The following EYA4 variants were observed in gnomAD, a reference collection of about 807,000 sequenced individuals.
EYA4 encodes protein phosphatase EYA4.
In EYA4, 31 loss-of-function variants were observed where a neutral mutation model predicts 87.9. That is an observed-to-expected ratio of 0.35 (90% CI 0.27 to 0.48). The LOEUF (loss-of-function observed/expected upper bound fraction) is 0.48. Ranked by LOEUF, EYA4 falls within the 20% of genes least tolerant of loss-of-function variation. The pLI, the probability that EYA4 is intolerant of heterozygous loss-of-function variation, is 0.99. For missense variants in EYA4, 678 were observed against 761.4 expected, an observed-to-expected ratio of 0.89 and a Z score of 1.29; for synonymous variants, 263 against 270.6, an observed-to-expected ratio of 0.97 and a Z score of 0.28.
At chr6:133,486,654 C>T (rs1796711102) in intron 13 of EYA4, among the ~76,000 whole-genome samples, 1 of 152,068 alleles carries the variant, frequency 6.6e-6, no homozygotes, top group African/African-American at 2.4e-5. Context: ...GAGGAAGTGA[C>T]ATTGGTACTG....
intron 2 of EYA4, among the ~76,000 whole-genome samples, chr6:133,378,038 T>G (rs940291550): frequency 9.2e-5 from 14 of 152,066 alleles, no homozygotes; most frequent in African/African-American, 3.4e-4. Context: ...GTTCACAGCA[T>G]AGATTACAGT....
chr6:133,282,965 T>C (rs1414539281), intron 2 of EYA4, among the ~76,000 whole-genome samples: 1 of 152,136 alleles, frequency 6.6e-6, no homozygotes, highest in Non-Finnish European at 1.5e-5. Context: ...AATTTACATA[T>C]TGTTATCTAA....
intron 2 of EYA4, among the ~76,000 whole-genome samples, chr6:133,276,062 T>C (rs1777138422): frequency 6.6e-6 from 1 of 152,178 alleles, no homozygotes; most frequent in African/African-American, 2.4e-5. Context: ...TGGAGGTTAG[T>C]CATCATGACT....
At chr6:133,329,500 A>G (rs957683382) in intron 2 of EYA4, among the ~76,000 whole-genome samples, 1 of 152,130 alleles carries the variant, frequency 6.6e-6, no homozygotes, top group Admixed American at 6.5e-5. Context: ...CTTTGATACC[A>G]TGAGTGTTTA....
intron 2 of EYA4, among the ~76,000 whole-genome samples, chr6:133,332,370 C>T (rs957098958): frequency 2.0e-5 from 3 of 152,192 alleles, no homozygotes; most frequent in African/African-American, 7.2e-5. Flanking sequence ...AAATCTTTAA[C>T]AAGGCTTCTC....
At chr6:133,420,125 G>A (rs368425145) in intron 3 of EYA4, among the ~76,000 whole-genome samples, 6 of 151,874 alleles carry the variant, frequency 4.0e-5, no homozygotes. Context: ...CTTGGCTTTA[G>A]TACAACACCA....
At chr6:133,257,563 AT>A (rs1263000614) in intron 1 of EYA4, among the ~76,000 whole-genome samples, 1 of 152,202 alleles carries the variant, frequency 6.6e-6, no homozygotes, top group Admixed American at 6.5e-5. Flanking sequence ...CTACCACAGT[AT>A]TTTGCCTATT....
At chr6:133,283,985 A>G (rs564720684) in intron 2 of EYA4, among the ~76,000 whole-genome samples, 1 of 152,278 alleles carries the variant, frequency 6.6e-6, no homozygotes, top group South Asian at 2.1e-4. Flanking sequence ...AATGGCCTTC[A>G]GTTCCATCCA....
chr6:133,393,576 G>C (rs910115867), intron 3 of EYA4, among the ~76,000 whole-genome samples: 1 of 152,178 alleles, frequency 6.6e-6, no homozygotes, highest in African/African-American at 2.4e-5. Context: ...GCATGTTCAG[G>C]TGACAGAAGA....
chr6:133,368,167 T>C (rs943381930), intron 2 of EYA4, among the ~76,000 whole-genome samples: 32 of 152,230 alleles, frequency 2.1e-4, no homozygotes, highest in Admixed American at 1.5e-3. Flanking sequence ...AAAGATTATA[T>C]TTCTCATCAG....
At chr6:133,505,669 T>C (rs914238106) in intron 13 of EYA4, among the ~76,000 whole-genome samples, 7 of 152,170 alleles carry the variant, frequency 4.6e-5, no homozygotes, top group African/African-American at 1.4e-4. Context: ...AGTTGACCTA[T>C]TTTTCTCTAT....
chr6:133,525,268 A>G lies in EYA4; in HGVS notation c.1839+14A>G, dbSNP rs776537269. 2 of 1,603,110 alleles carry G rather than the reference A, an allele frequency of 1.2e-6. No individual in the cohort carries two copies. Among genetic ancestry groups the G allele is most frequent in the Non-Finnish European group, 1.7e-6 (2 of 1,170,190 alleles). ...GCAGCAAAAAAGGTAACCTGTCTCA[A>G]ACAATGTCGGTGTGATACTTCTAAT... On this transcript the variant is annotated intron_variant, in intron 19 of 19. Transcript: ENST00000355286.
intron 3 of EYA4, among the ~76,000 whole-genome samples, chr6:133,406,715 TA>T (rs1228475410): frequency 1.3e-5 from 2 of 152,204 alleles, no homozygotes; most frequent in African/African-American, 4.8e-5. Context: ...TAACAGGTTG[TA>T]TAAAACCTGT....
intron 2 of EYA4, among the ~76,000 whole-genome samples, chr6:133,351,568 G>A (rs550453923): frequency 0.021 from 3,185 of 152,186 alleles, 86 homozygotes; most frequent in African/African-American, 0.068. Context: ...AGTCCAGAAA[G>A]CTACTGTAGA....
chr6:133,272,796 T>C lies in EYA4; in HGVS notation c.-65-1920T>C, dbSNP rs2128262635. Among the ~76,000 whole-genome samples the C allele has an allele frequency of 1.3e-5, 2 of 152,308 alleles. 1 individual carries two copies. The highest frequency in any genetic ancestry group is 4.1e-4 in the South Asian group (2 of 4,830). On this transcript the variant is annotated intron_variant, in intron 1 of 19. Coordinates refer to ENST00000355286, the MANE Select transcript of EYA4 (RefSeq NM_004100.5). ...CTGGACCTGTTGCAGAGCCTTCTCC[T>C]GTTCTGGACCCCAGGCAGTTTTATT... is the stretch of plus-strand genomic sequence containing the variant.
chr6:133,452,877 A>G (rs1287384864), intron 5 of EYA4: 1 of 152,120 alleles, frequency 6.6e-6, no homozygotes, highest in Non-Finnish European at 1.5e-5. Flanking sequence ...TTGAAGATAC[A>G]GAATAATAAT....
intron 2 of EYA4, among the ~76,000 whole-genome samples, chr6:133,283,689 G>T (rs1393957195): frequency 2.6e-5 from 4 of 152,110 alleles, no homozygotes; most frequent in African/African-American, 9.7e-5. Flanking sequence ...TTTTAAATAT[G>T]TAAGTTTAAG....
intron 3 of EYA4, among the ~76,000 whole-genome samples, chr6:133,445,577 C>CTTTTTT (rs1000098998): frequency 3.5e-5 from 5 of 141,656 alleles, no homozygotes; most frequent in Non-Finnish European, 3.1e-5. Context: ...TTTCCTTTTT[C>CTTTTTT]TTTTTTTTTT....
intron 2 of EYA4, among the ~76,000 whole-genome samples, chr6:133,374,946 G>A (rs1583099271): frequency 6.6e-6 from 1 of 151,944 alleles, no homozygotes; most frequent in Non-Finnish European, 1.5e-5. Context: ...TTGGCAAAAT[G>A]CCATTTTATT....
Sources: gnomAD v4.1 joint callset for allele counts (sites outside exome capture counted in the v4.1 genomes callset) on GRCh38, gnomAD v4.1.1 for gene constraint, MANE v1.5 for transcripts, NCBI Gene and HGNC (gene_info 2026-07-23, HGNC 2026-07-21) for gene names.